EBF1: variants seen among roughly 807,000 people sequenced by gnomAD.
The protein encoded by EBF1 is transcription factor COE1.
A neutral mutation model predicts 68.4 loss-of-function variants in EBF1; 10 were observed. The observed-to-expected ratio is 0.15, with a 90% confidence interval of 0.09 to 0.25. The LOEUF (loss-of-function observed/expected upper bound fraction) is 0.25. EBF1 is among the 10% of genes least tolerant of loss of function. The pLI is 1.00. For synonymous variants in EBF1, 298 were observed against 299.8 expected (o/e 0.99, Z 0.06); for missense variants, 509 against 794.4 (o/e 0.64, Z 4.32).
intron 6 of EBF1, among the ~76,000 whole-genome samples, chr5:158,958,919 A>G (rs1817649677): frequency 6.6e-6 from 1 of 152,164 alleles, no homozygotes; most frequent in Non-Finnish European, 1.5e-5. Context: ...GGTATTTTGG[A>G]TATCAGGAAT....
chr5:158,837,895 T>C (rs1789198460), intron 7 of EBF1, among the ~76,000 whole-genome samples: 1 of 152,162 alleles, frequency 6.6e-6, no homozygotes, highest in Admixed American at 6.5e-5. Flanking sequence ...TATACTTTGC[T>C]CCTAACTCAA....
chr5:158,757,680 C>T lies in EBF1; in HGVS notation c.1036+19733G>A, dbSNP rs566211679. Among the ~76,000 whole-genome samples, 9 of 152,252 alleles carry T rather than the reference C, an allele frequency of 5.9e-5. No individual in the cohort carries two copies. The East Asian group carries it at 1.7e-3, about 29-fold the overall frequency. ...CTTTGCCACTTTCTAGTTGCATAAC[C>T]TTCAGCAAATGCTGAACACCTCTTT... On this transcript the variant is annotated intron_variant, in intron 10 of 15. Coordinates refer to ENST00000313708, the MANE Select transcript of EBF1 (RefSeq NM_024007.5).
At chr5:158,830,921 G>A (rs1055519430) in intron 7 of EBF1, among the ~76,000 whole-genome samples, 1 of 152,140 alleles carries the variant, frequency 6.6e-6, no homozygotes, top group African/African-American at 2.4e-5. Context: ...AAGGCTTGAG[G>A]CAAAACCAGC....
intron 6 of EBF1, among the ~76,000 whole-genome samples, chr5:159,056,624 G>A (rs933431504): frequency 2.6e-5 from 4 of 152,152 alleles, no homozygotes; most frequent in African/African-American, 9.7e-5. Context: ...TGAGTAGGAA[G>A]AAATACAGTG....
intron 6 of EBF1, among the ~76,000 whole-genome samples, chr5:158,840,648 T>G (rs1035370801): frequency 5.4e-5 from 2 of 36,846 alleles, no homozygotes; most frequent in Admixed American, 2.2e-4. Flanking sequence ...ACCTCCTGTT[T>G]TTTTTTTTTT....
At chr5:158,965,451 G>A (rs1753918135) in intron 6 of EBF1, among the ~76,000 whole-genome samples, 1 of 152,194 alleles carries the variant, frequency 6.6e-6, no homozygotes, top group Non-Finnish European at 1.5e-5. Flanking sequence ...ATATCATGCA[G>A]AAGTTTAAGC....
At chr5:158,888,425 C>G (rs1378895503) in intron 6 of EBF1, among the ~76,000 whole-genome samples, 1 of 152,110 alleles carries the variant, frequency 6.6e-6, no homozygotes, top group Non-Finnish European at 1.5e-5. Context: ...TGTGTACATT[C>G]ATTCCTAAGA....
intron 6 of EBF1, among the ~76,000 whole-genome samples, chr5:158,852,742 TATC>T (rs1466435205): frequency 6.6e-6 from 1 of 152,232 alleles, no homozygotes; most frequent in African/African-American, 2.4e-5. Context: ...TTTCTCATGA[TATC>T]ATAAGGATGC....
At chr5:158,930,280 T>G (rs940850100) in intron 6 of EBF1, among the ~76,000 whole-genome samples, 41 of 152,194 alleles carry the variant, frequency 2.7e-4, no homozygotes, top group Admixed American at 9.8e-4. Context: ...TTGTTTGTTT[T>G]TTTTTGGTTG....
At chr5:158,735,824 A>G (rs1348985685) in intron 10 of EBF1, among the ~76,000 whole-genome samples, 2 of 152,212 alleles carry the variant, frequency 1.3e-5, no homozygotes, top group Non-Finnish European at 2.9e-5. Flanking sequence ...GCAACTTTCT[A>G]TTCCAACCGA....
chr5:159,087,275 CACATATATATATAT>C (rs1561985143), intron 4 of EBF1, among the ~76,000 whole-genome samples: 6 of 144,854 alleles, frequency 4.1e-5, no homozygotes, highest in African/African-American at 1.6e-4. Context: ...TATACACACA[CACATATATATATAT>C]ACACATATAT....
chr5:158,951,359 G>A (rs75340034), intron 6 of EBF1, among the ~76,000 whole-genome samples: 9,767 of 152,212 alleles, frequency 0.064, 508 homozygotes, highest in Non-Finnish European at 0.089. Context: ...GGAACTTGGC[G>A]TCAACTTGAG....
intron 6 of EBF1, among the ~76,000 whole-genome samples, chr5:158,952,423 CT>C (rs1024725866): frequency 5.9e-5 from 9 of 151,402 alleles, no homozygotes; most frequent in Non-Finnish European, 8.9e-5. Flanking sequence ...TGAAAAAGGA[CT>C]TTTTTTTTGT....
At chr5:159,074,982 C>T (rs1364096327) in intron 5 of EBF1, among the ~76,000 whole-genome samples, 1 of 152,186 alleles carries the variant, frequency 6.6e-6, no homozygotes, top group African/African-American at 2.4e-5. Flanking sequence ...CCAGAAAATA[C>T]ATAAAAATAT....
At chr5:158,897,416 G>A (rs1260501836) in intron 6 of EBF1, among the ~76,000 whole-genome samples, 1 of 152,140 alleles carries the variant, frequency 6.6e-6, no homozygotes, top group Non-Finnish European at 1.5e-5. Context: ...GCCTTCTAGA[G>A]GGTGGAGGGT....
chr5:158,732,113 G>A (rs1317749381), intron 10 of EBF1, among the ~76,000 whole-genome samples: 1 of 152,154 alleles, frequency 6.6e-6, no homozygotes, highest in African/African-American at 2.4e-5. Context: ...TAAGGGGTAG[G>A]TGGGTGTTTT....
At chr5:158,734,219 T>C (rs1208441613) in intron 10 of EBF1, among the ~76,000 whole-genome samples, 4 of 152,202 alleles carry the variant, frequency 2.6e-5, no homozygotes, top group Non-Finnish European at 5.9e-5. Context: ...TAAAGTGCTT[T>C]TCTTCCTGTT....
At chr5:158,852,528 T>TTTATTTG in intron 6 of EBF1, among the ~76,000 whole-genome samples, 1 of 152,236 alleles carries the variant, frequency 6.6e-6, no homozygotes. Flanking sequence ...GATTTAAACC[T>TTTATTTG]CAGGACCAGT....
intron 6 of EBF1, among the ~76,000 whole-genome samples, chr5:158,842,639 CTG>C (rs1424812020): frequency 6.6e-6 from 1 of 152,218 alleles, no homozygotes; most frequent in Non-Finnish European, 1.5e-5. Context: ...TATAGGGAAA[CTG>C]TGAAAATTGC....
Sources: gnomAD v4.1 joint callset for allele counts (sites outside exome capture counted in the v4.1 genomes callset) on GRCh38, gnomAD v4.1.1 for gene constraint, MANE v1.5 for transcripts, NCBI Gene and HGNC (gene_info 2026-07-23, HGNC 2026-07-21) for gene names.